Variants in SYNDIG1 observed in about 807,000 individuals in gnomAD.
The protein encoded by SYNDIG1 is synapse differentiation inducing 1.
In SYNDIG1, 9 loss-of-function variants were observed where a neutral mutation model predicts 19.4. The ratio of observed to expected loss-of-function variants is 0.46; its 90% CI spans 0.28 to 0.81. The LOEUF (loss-of-function observed/expected upper bound fraction) is 0.81, where lower values mean the gene tolerates loss of function less well. Ranked by LOEUF, SYNDIG1 falls within the 30% of genes least tolerant of loss-of-function variation. The pLI is 0.12. For missense variants in SYNDIG1, 311 were observed against 343.3 expected, an observed-to-expected ratio of 0.91 and a Z score of 0.74; for synonymous variants, 141 against 145.9, an observed-to-expected ratio of 0.97 and a Z score of 0.24.
intron 1 of SYNDIG1, among the ~76,000 whole-genome samples, chr20:24,516,414 A>G (rs906002620): frequency 6.6e-6 from 1 of 152,230 alleles, no homozygotes. Flanking sequence ...AATGGGAGAA[A>G]ATTTTTGCAA....
chr20:24,508,498 G>A (rs143861530), intron 1 of SYNDIG1, among the ~76,000 whole-genome samples: 17 of 152,184 alleles, frequency 1.1e-4, no homozygotes, highest in Admixed American at 5.9e-4. Flanking sequence ...GATTACAGGC[G>A]TGAGCCACCA....
chr20:24,660,114 C>T (rs2059569336), intron 3 of SYNDIG1, among the ~76,000 whole-genome samples: 2 of 152,216 alleles, frequency 1.3e-5, no homozygotes, highest in South Asian at 2.1e-4. Flanking sequence ...GGTGTCATGA[C>T]GGCTTGCCCT....
At position 24,557,093 on chromosome 20, in the gene SYNDIG1, C is replaced by T. The variant is rs189674817; in HGVS notation, c.480+13516C>T. 4.6e-5 allele frequency among the ~76,000 whole-genome samples: 7 copies of T among 152,264 alleles called. No homozygotes were observed. In the East Asian group the frequency reaches 5.8e-4, roughly 13 times the overall value. ...ACTGATACCCTTTCTTCCACTTGAT[C>T]GCATCAGCTCCTGAGGCTTCTGCAT... On this transcript the variant is annotated intron_variant, in intron 2 of 3. Coordinates refer to ENST00000376862, the MANE Select transcript of SYNDIG1 (RefSeq NM_024893.3).
chr20:24,564,131 TTA>T (rs1429127124), intron 2 of SYNDIG1, among the ~76,000 whole-genome samples: 1 of 152,122 alleles, frequency 6.6e-6, no homozygotes, highest in African/African-American at 2.4e-5. Context: ...CATCTCCTAC[TTA>T]TCATATCATA....
chr20:24,636,074 TG>T (rs1200647759), intron 3 of SYNDIG1, among the ~76,000 whole-genome samples: 4 of 152,130 alleles, frequency 2.6e-5, no homozygotes, highest in African/African-American at 7.2e-5. Flanking sequence ...GTCTGGACTT[TG>T]GGGGGGCTCT....
chr20:24,556,272 G>T (rs535777663), intron 2 of SYNDIG1, among the ~76,000 whole-genome samples: 1 of 152,180 alleles, frequency 6.6e-6, no homozygotes, highest in Admixed American at 6.5e-5. Flanking sequence ...TTGCCAGTCT[G>T]TGTCTTTTAA....
chr20:24,654,688 G>GGAAGGAAGGAAGGAAA (rs2059507392), intron 3 of SYNDIG1, among the ~76,000 whole-genome samples: 3 of 150,760 alleles, frequency 2.0e-5, no homozygotes, highest in Non-Finnish European at 4.4e-5. Flanking sequence ...AAGGAAGGAA[G>GGAAGGAAGGAAGGAAA]GAAGGAAGGA....
chr20:24,665,501 G>A lies in SYNDIG1; in HGVS notation c.774G>A (p.Leu258=), dbSNP rs1473608268. The change falls in exon 4 of 4, where the codon CTG becomes CTA. Residue 258 remains leucine, a synonymous_variant. Coordinates refer to ENST00000376862, the MANE Select transcript of SYNDIG1 (RefSeq NM_024893.3). The part of the protein sequence containing the change: ...LIAYLSKNNH[L] ...CCTACCTCTCCAAGAACAACCACCT[G>A]TGAGCTTCCTGCGAATGGAGGGGGA... The A allele has an allele frequency of 1.1e-5, 18 of 1,613,828 alleles. No individual in the cohort carries two copies. Among genetic ancestry groups the A allele is most frequent in the Non-Finnish European group, 1.5e-5 (18 of 1,179,972 alleles).
At chr20:24,584,806 T>A in intron 2 of SYNDIG1, 50 bp from the exon 3 acceptor site, 1 of 1,613,008 alleles carries the variant, frequency 6.2e-7, no homozygotes. Flanking sequence ...CCAGGATGAC[T>A]CCTTTATTAA....
At chr20:24,624,476 G>C (rs529696790) in intron 3 of SYNDIG1, among the ~76,000 whole-genome samples, 1 of 152,192 alleles carries the variant, frequency 6.6e-6, no homozygotes, top group South Asian at 2.1e-4. Flanking sequence ...TATGATGAAG[G>C]GTTCGATTAT....
At chr20:24,484,536 C>T (rs1414798779) in intron 1 of SYNDIG1, among the ~76,000 whole-genome samples, 1 of 152,118 alleles carries the variant, frequency 6.6e-6, no homozygotes, top group Non-Finnish European at 1.5e-5. Context: ...AGTCTCAAGC[C>T]CACCTGGGTT....
chr20:24,642,355 G>T (rs997299388), intron 3 of SYNDIG1, among the ~76,000 whole-genome samples: 1 of 151,994 alleles, frequency 6.6e-6, no homozygotes, highest in African/African-American at 2.4e-5. Context: ...CTTGCACCTG[G>T]AGAGAGAGGG....
intron 1 of SYNDIG1, among the ~76,000 whole-genome samples, chr20:24,528,085 G>A (rs779251047): frequency 1.2e-4 from 19 of 152,260 alleles, no homozygotes; most frequent in Non-Finnish European, 2.6e-4. Context: ...ATTTTCCTTC[G>A]CAATCAGTAA....
In SYNDIG1 at chr20:24,469,759, T is replaced by A. The variant is rs1263053126; in HGVS notation, c.-79+6T>A. ...CGGGTCACCTTGTCCCGGAGGTAAG[T>A]CCAGACCTCCCGGCCGCGGGGGCGG... On this transcript the variant is annotated splice_donor_region_variant and intron_variant, in intron 1 of 3. Transcript: ENST00000376862. 1 of 151,616 alleles carries A rather than the reference T, an allele frequency of 6.6e-6. No homozygotes were observed. The highest frequency in any genetic ancestry group is 1.5e-5 in the Non-Finnish European group (1 of 67,934). The allele number at this position is 151,616 out of a possible 1,614,324, so 9.4% of individuals were successfully genotyped here. A position where few individuals can be genotyped will look rare whatever the true frequency, so the allele number is the denominator to read the frequency against.
chr20:24,591,653 G>A (rs1035942380), intron 3 of SYNDIG1, among the ~76,000 whole-genome samples: 1 of 152,146 alleles, frequency 6.6e-6, no homozygotes, highest in Admixed American at 6.5e-5. Context: ...TGGGGGGACA[G>A]TTAGGGGAGC....
rs537310058 is a variant in SYNDIG1 at position 24,557,602 on chromosome 20, G to A, written c.480+14025G>A. 2.0e-5 allele frequency among the ~76,000 whole-genome samples: 3 copies of A among 152,296 alleles called. No individual in the cohort carries two copies. The East Asian group carries it at 5.8e-4, about 29-fold the overall frequency. On this transcript the variant is annotated intron_variant, in intron 2 of 3. Coordinates refer to ENST00000376862, the MANE Select transcript of SYNDIG1 (RefSeq NM_024893.3). ...CCCTGTTTGCCTGGGTATCAGCAGC[G>A]GTGGCTGCAGAACAGTGGATTTTCG...
intron 2 of SYNDIG1, among the ~76,000 whole-genome samples, chr20:24,549,249 C>A: frequency 6.6e-6 from 1 of 152,148 alleles, no homozygotes; most frequent in African/African-American, 2.4e-5. Context: ...CTCTACTATT[C>A]TTCCTTCTAC....
intron 2 of SYNDIG1, among the ~76,000 whole-genome samples, chr20:24,573,198 C>A (rs574912979): frequency 6.6e-6 from 1 of 152,326 alleles, no homozygotes; most frequent in Admixed American, 6.5e-5. Context: ...CATTTAGTAA[C>A]TGGATCAACA....
intron 2 of SYNDIG1, among the ~76,000 whole-genome samples, chr20:24,568,581 TTTTGAAAAGCC>T (rs992002985): frequency 6.6e-6 from 1 of 151,804 alleles, no homozygotes; most frequent in Non-Finnish European, 1.5e-5. Context: ...TTGAGGAGAG[TTTTGAAAAGCC>T]AGCGGCCAAA....
Sources: allele counts gnomAD v4.1 joint callset (sites outside exome capture counted in the v4.1 genomes callset), GRCh38; gene constraint gnomAD v4.1.1; transcripts MANE v1.5; gene names NCBI Gene and HGNC (gene_info 2026-07-23, HGNC 2026-07-21).